The following DOCK3 variants were observed in gnomAD, a reference collection of about 807,000 sequenced individuals.
The protein encoded by DOCK3 is dedicator of cytokinesis protein 3.
In DOCK3, 60 loss-of-function variants were observed where a neutral mutation model predicts 265.6. The observed-to-expected ratio is 0.23, with a 90% CI of 0.18 to 0.28. DOCK3 has a LOEUF of 0.28. DOCK3 is among the 10% of genes least tolerant of loss of function. The pLI, the probability that DOCK3 is intolerant of heterozygous loss-of-function variation, is 1.00. For synonymous variants in DOCK3, 881 were observed against 938.0 expected (o/e 0.94, Z 1.11); for missense variants, 1,981 against 2,594.3 (o/e 0.76, Z 5.14).
At chr3:51,079,703 C>G (rs1028730347) in intron 7 of DOCK3, among the ~76,000 whole-genome samples, 6 of 151,990 alleles carry the variant, frequency 3.9e-5, no homozygotes, top group Non-Finnish European at 5.9e-5. Flanking sequence ...TAGTGCTCTT[C>G]AATTCTGCAT....
chr3:51,240,737 T>C (rs2078577510), intron 21 of DOCK3, among the ~76,000 whole-genome samples: 1 of 152,170 alleles, frequency 6.6e-6, no homozygotes, highest in South Asian at 2.1e-4. Flanking sequence ...TTGTTTGAAA[T>C]CAGGATTGCA....
chr3:51,120,252 G>A lies in DOCK3; in HGVS notation c.747-26297G>A, dbSNP rs918487963. Among the ~76,000 whole-genome samples the A allele has an allele frequency of 4.6e-4, 70 of 152,140 alleles. 1 individual carries two copies. Among genetic ancestry groups the A allele is most frequent in the Non-Finnish European group, 5.1e-4 (35 of 68,026 alleles). ...TCTGTAGATCCACTGGAGTTTGCTA[G>A]GGGTCTACTCCAGATCCTGTTTGCC... On this transcript the variant is annotated intron_variant, in intron 9 of 52. Coordinates refer to ENST00000266037, the MANE Select transcript of DOCK3 (RefSeq NM_004947.5).
intron 3 of DOCK3, among the ~76,000 whole-genome samples, chr3:50,879,834 C>T (rs2047932778): frequency 6.6e-6 from 1 of 152,192 alleles, no homozygotes; most frequent in Admixed American, 6.6e-5. Context: ...ATACATTTTT[C>T]TCAGCACTAC....
chr3:50,921,362 T>G (rs1313920270), intron 4 of DOCK3, among the ~76,000 whole-genome samples: 1 of 152,224 alleles, frequency 6.6e-6, no homozygotes, highest in Non-Finnish European at 1.5e-5. Context: ...CTTGTGCATG[T>G]GTCACGTAGT....
intron 9 of DOCK3, among the ~76,000 whole-genome samples, chr3:51,101,135 A>G (rs1488020596): frequency 4.0e-5 from 4 of 99,730 alleles, no homozygotes; most frequent in East Asian, 3.0e-4. Flanking sequence ...TTTTTTTGAG[A>G]CGGAGTCTCA....
intron 3 of DOCK3, among the ~76,000 whole-genome samples, chr3:50,858,657 C>T (rs1424223130): frequency 6.6e-6 from 1 of 152,002 alleles, no homozygotes; most frequent in African/African-American, 2.4e-5. Flanking sequence ...TAGAATCTTG[C>T]AAGAGTTCTC....
chr3:51,255,535 G>A (rs949830172), intron 22 of DOCK3, among the ~76,000 whole-genome samples: 1 of 150,860 alleles, frequency 6.6e-6, no homozygotes, highest in African/African-American at 2.4e-5. Context: ...TTTTCACATA[G>A]TCTCATATTT....
intron 22 of DOCK3, among the ~76,000 whole-genome samples, chr3:51,247,223 G>C (rs185714050): frequency 2.0e-4 from 31 of 152,312 alleles, no homozygotes; most frequent in African/African-American, 7.5e-4. Context: ...AGTAAAAAGA[G>C]CTGAGTGGAT....
rs1368767312 is a variant in DOCK3, at chr3:50,674,949, C to G, written c.-315C>G. ...TGCGAGCCCGCTGGGGCGAGCCGAG[C>G]CGCGGCGGCGCCGGGAGCCGGGCGG... is the stretch of plus-strand genomic sequence containing the variant. On this transcript the variant is annotated 5_prime_UTR_variant, in exon 1 of 53. Coordinates refer to ENST00000266037, the MANE Select transcript of DOCK3 (RefSeq NM_004947.5). This position sits in a 1 kb window ranked among gnomAD's most constrained non-coding sequence, Gnocchi z 4.3. The G allele has an allele frequency of 6.7e-6, 1 of 148,696 alleles. No individual in the cohort carries two copies. The highest frequency in any genetic ancestry group is 2.4e-5 in the African/African-American group (1 of 41,032). The allele number at this position is 148,696 out of a possible 1,614,324, so 9.2% of individuals were successfully genotyped here.
chr3:51,088,750 C>T (rs2082524838), intron 7 of DOCK3, among the ~76,000 whole-genome samples: 1 of 152,124 alleles, frequency 6.6e-6, no homozygotes, highest in African/African-American at 2.4e-5. Flanking sequence ...TCTGAAATTT[C>T]ACAGTCTTTG....
intron 35 of DOCK3, among the ~76,000 whole-genome samples, chr3:51,335,946 T>G (rs2084830894): frequency 6.7e-6 from 1 of 149,150 alleles, no homozygotes. Context: ...GAGCTGAGAT[T>G]GCGCCACTGA....
At chr3:50,864,741 G>T (rs941769334) in intron 3 of DOCK3, among the ~76,000 whole-genome samples, 1 of 151,986 alleles carries the variant, frequency 6.6e-6, no homozygotes, top group Non-Finnish European at 1.5e-5. Context: ...TGTTGAAAAT[G>T]AATTGGCTGT....
chr3:50,732,932 T>C (rs2038313186), intron 1 of DOCK3, among the ~76,000 whole-genome samples: 1 of 152,170 alleles, frequency 6.6e-6, no homozygotes, highest in African/African-American at 2.4e-5. Context: ...AGACTCAATA[T>C]TGTAATCTCA....
chr3:50,725,417 A>G (rs1157373888), intron 1 of DOCK3, among the ~76,000 whole-genome samples: 3 of 152,232 alleles, frequency 2.0e-5, no homozygotes, highest in Non-Finnish European at 2.9e-5. Flanking sequence ...AATGTTTTCT[A>G]TTAACCAAAA....
intron 22 of DOCK3, among the ~76,000 whole-genome samples, chr3:51,249,680 G>A (rs549110741): frequency 5.0e-5 from 6 of 120,660 alleles, no homozygotes; most frequent in African/African-American, 9.5e-5. Context: ...CCGGCCAGCC[G>A]CCCCGTCCGG....
intron 9 of DOCK3, among the ~76,000 whole-genome samples, chr3:51,095,727 A>G (rs999436562): frequency 4.0e-5 from 6 of 151,676 alleles, no homozygotes; most frequent in Admixed American, 6.6e-5. Context: ...GGAGAAAGGT[A>G]ATACTCAAAA....
At chr3:51,342,000 A>G (rs1333742190) in intron 38 of DOCK3, among the ~76,000 whole-genome samples, 1 of 152,166 alleles carries the variant, frequency 6.6e-6, no homozygotes, top group African/African-American at 2.4e-5. Context: ...GCGCCCTCTG[A>G]CTACCTACTG....
intron 5 of DOCK3, among the ~76,000 whole-genome samples, chr3:51,055,015 G>A (rs953266784): frequency 6.6e-6 from 1 of 152,102 alleles, no homozygotes; most frequent in Admixed American, 6.6e-5. Context: ...TTAAGAATGA[G>A]GCATTAAAAT....
At chr3:50,734,002 G>A (rs2038400642) in intron 1 of DOCK3, among the ~76,000 whole-genome samples, 1 of 152,120 alleles carries the variant, frequency 6.6e-6, no homozygotes, top group East Asian at 1.9e-4. Flanking sequence ...CATTGTGACT[G>A]TAACTAATAA....
Sources: allele counts gnomAD v4.1 joint callset (sites outside exome capture counted in the v4.1 genomes callset), GRCh38; gene constraint gnomAD v4.1.1; non-coding constraint Gnocchi (gnomAD v3.1); transcripts MANE v1.5; gene names NCBI Gene and HGNC (gene_info 2026-07-23, HGNC 2026-07-21).